The following CSMD1 variants were observed in gnomAD, a reference collection of about 807,000 sequenced individuals.
CSMD1 encodes CUB and sushi domain-containing protein 1.
Under a neutral mutation model 417.5 loss-of-function variants are expected in CSMD1, and 213 were observed. That is an observed-to-expected ratio of 0.51 (90% CI 0.46 to 0.57). CSMD1 has a LOEUF of 0.57. Ranked by LOEUF, CSMD1 falls within the 20% of genes least tolerant of loss-of-function variation. The pLI is 0.00. For missense variants in CSMD1, 6,923 were observed against 4,529.7 expected (o/e 1.53, Z -15.17); for synonymous variants, 2,862 against 1,736.8 (o/e 1.65, Z -16.11).
intron 10 of CSMD1, among the ~76,000 whole-genome samples, chr8:3,499,368 G>A (rs756455690): frequency 6.6e-6 from 1 of 152,064 alleles, no homozygotes; most frequent in African/African-American, 2.4e-5. Flanking sequence ...TTGTTTTGGG[G>A]ATATAGAAGG....
chr8:4,089,297 G>C (rs1800592051), intron 3 of CSMD1, among the ~76,000 whole-genome samples: 1 of 152,188 alleles, frequency 6.6e-6, no homozygotes, highest in South Asian at 2.1e-4. Context: ...CCAACTTGTA[G>C]ATGTTTGAAA....
chr8:3,856,077 G>C (rs1029016411), intron 5 of CSMD1, among the ~76,000 whole-genome samples: 1 of 151,920 alleles, frequency 6.6e-6, no homozygotes, highest in African/African-American at 2.4e-5. Flanking sequence ...TTGGATCTGT[G>C]TTCCCACCTA....
At chr8:3,188,690 G>T (rs1314332533) in intron 35 of CSMD1, among the ~76,000 whole-genome samples, 197 bp downstream of exon 35, 1 of 119,868 alleles carries the variant, frequency 8.3e-6, no homozygotes, top group Non-Finnish European at 2.0e-5. Context: ...TAGAAAAATG[G>T]TTAGAAATAT....
chr8:4,637,733 C>T lies in CSMD1; in HGVS notation c.86-175G>A, dbSNP rs936697402. On this transcript the variant is annotated intron_variant, in intron 1 of 69. Transcript: ENST00000635120. ...GGCCGGACTGCGGACTGCAGTGGCG[C>T]GATCTCAGCTCACTGCAAGCTCCGC... is the stretch of plus-strand genomic sequence containing the variant. Among the ~76,000 whole-genome samples the T allele has an allele frequency of 7.4e-4, 101 of 135,912 alleles. No homozygotes were observed. The Admixed American group carries it at 8.6e-3, about 12-fold the overall frequency. 89.2% of individuals were successfully genotyped at this position (135,912 alleles called of 152,430 possible).
At chr8:3,511,922 G>T (rs1585280993) in intron 10 of CSMD1, among the ~76,000 whole-genome samples, 1 of 149,670 alleles carries the variant, frequency 6.7e-6, no homozygotes, top group Non-Finnish European at 1.5e-5. Flanking sequence ...AAAAAAAAAC[G>T]GTTGTTATAT....
rs919022974 is a variant in CSMD1, at chr8:3,091,190, ATTTG to A, written c.7285+322_7285+325del. On this transcript the variant is annotated intron_variant, in intron 48 of 69. Coordinates refer to ENST00000635120, the MANE Select transcript of CSMD1 (RefSeq NM_033225.6). ...AATAGAAATACAATTATCTTTTTCT[ATTTG>A]TTTGCTTACCATTTAAACATATTTT... 1.2e-4 allele frequency among the ~76,000 whole-genome samples: 19 copies of A among 152,098 alleles called. No individual in the cohort carries two copies. The East Asian group carries it at 2.7e-3, about 22-fold the overall frequency.
chr8:4,125,887 G>C (rs986877639), intron 3 of CSMD1, among the ~76,000 whole-genome samples: 1 of 152,132 alleles, frequency 6.6e-6, no homozygotes, highest in Non-Finnish European at 1.5e-5. Flanking sequence ...AGGACTTACG[G>C]TTTAGGAGAC....
At chr8:3,039,594 C>T (rs954174073) in intron 50 of CSMD1, among the ~76,000 whole-genome samples, 6 of 151,924 alleles carry the variant, frequency 3.9e-5, no homozygotes, top group East Asian at 3.9e-4. Flanking sequence ...CAATAAACTT[C>T]CACCACTTGT....
intron 5 of CSMD1, among the ~76,000 whole-genome samples, chr8:3,875,733 A>C (rs1805771516): frequency 1.3e-5 from 2 of 152,172 alleles, no homozygotes; most frequent in Non-Finnish European, 2.9e-5. Context: ...TGAGGAAAGA[A>C]AGGCAGTCAA....
chr8:3,266,650 C>G (rs914590865), intron 26 of CSMD1, among the ~76,000 whole-genome samples: 3 of 142,296 alleles, frequency 2.1e-5, no homozygotes, highest in South Asian at 4.7e-4. Context: ...TGGCAAGCAT[C>G]TGTAATCCCA....
chr8:3,458,579 A>G (rs1585195540), intron 12 of CSMD1, among the ~76,000 whole-genome samples: 1 of 152,352 alleles, frequency 6.6e-6, no homozygotes, highest in Non-Finnish European at 1.5e-5. Context: ...TCGTTTCAGT[A>G]AAATCCTATG....
chr8:4,932,594 T>G (rs1289694750), intron 1 of CSMD1, among the ~76,000 whole-genome samples: 3 of 152,218 alleles, frequency 2.0e-5, no homozygotes, highest in Non-Finnish European at 2.9e-5. Flanking sequence ...CTGCAGGATT[T>G]TGGCAAATAG....
chr8:4,888,570 CCTAACT>C (rs1242816972), intron 1 of CSMD1, among the ~76,000 whole-genome samples: 2 of 151,252 alleles, frequency 1.3e-5, no homozygotes, highest in Non-Finnish European at 2.9e-5. Flanking sequence ...ACCCCTGTAC[CCTAACT>C]CTATCTGCTA....
At chr8:3,643,661 ACTGCACCCCAGC>A (rs1797424162) in intron 7 of CSMD1, among the ~76,000 whole-genome samples, 2 of 142,204 alleles carry the variant, frequency 1.4e-5, no homozygotes, top group Non-Finnish European at 3.0e-5. Context: ...AGATCGCGCC[ACTGCACCCCAGC>A]CTGGGCGACA....
intron 1 of CSMD1, among the ~76,000 whole-genome samples, chr8:4,681,385 G>C (rs539575256): frequency 6.6e-6 from 1 of 152,294 alleles, no homozygotes; most frequent in African/African-American, 2.4e-5. Flanking sequence ...CATTCTTGCT[G>C]TCTCTTCAGT....
intron 3 of CSMD1, among the ~76,000 whole-genome samples, chr8:4,092,240 A>G (rs1425348126): frequency 6.6e-6 from 1 of 152,222 alleles, no homozygotes; most frequent in Non-Finnish European, 1.5e-5. Context: ...AAGGAAGACA[A>G]ACAGGCAAAA....
chr8:4,856,866 A>G (rs1801832769), intron 1 of CSMD1, among the ~76,000 whole-genome samples: 1 of 152,096 alleles, frequency 6.6e-6, no homozygotes, highest in African/African-American at 2.4e-5. Flanking sequence ...ACGAGACAGA[A>G]AGTCAACAAG....
intron 3 of CSMD1, among the ~76,000 whole-genome samples, chr8:4,418,434 T>G (rs920225607): frequency 6.6e-6 from 1 of 152,146 alleles, no homozygotes; most frequent in Non-Finnish European, 1.5e-5. Flanking sequence ...ATATAGTGAT[T>G]TCTCAACAGC....
At chr8:4,158,732 T>G (rs1230718677) in intron 3 of CSMD1, among the ~76,000 whole-genome samples, 1 of 152,052 alleles carries the variant, frequency 6.6e-6, no homozygotes, top group Admixed American at 6.6e-5. Flanking sequence ...CACAACCCCA[T>G]GAGAACCACC....
Sources: allele counts gnomAD v4.1 joint callset (sites outside exome capture counted in the v4.1 genomes callset), GRCh38; gene constraint gnomAD v4.1.1; transcripts MANE v1.5; gene names NCBI Gene and HGNC (gene_info 2026-07-23, HGNC 2026-07-21).